The following TMEM175 variants were observed in gnomAD, a reference collection of about 807,000 sequenced individuals.
The protein encoded by TMEM175 is transmembrane protein 175.
A neutral mutation model predicts 36.5 loss-of-function variants in TMEM175; 36 were observed. The observed-to-expected ratio is 0.99, with a 90% CI of 0.76 to 1.30. TMEM175 has a LOEUF of 1.30. Ranked by LOEUF, TMEM175 falls within the 50% of genes most tolerant of loss-of-function variation. TMEM175 has a pLI of 0.00. For missense variants in TMEM175, 705 were observed against 692.8 expected, an observed-to-expected ratio of 1.02 and a Z score of -0.20; for synonymous variants, 339 against 313.4, an observed-to-expected ratio of 1.08 and a Z score of -0.86.
intron 6 of TMEM175, 143 bp downstream of exon 6, chr4:951,860 G>A: frequency 1.2e-6 from 1 of 847,864 alleles, no homozygotes; most frequent in Admixed American, 2.3e-5. Context: ...GGGAGAGCCA[G>A]CTGTTGGGCT....
intron 1 of TMEM175, among the ~76,000 whole-genome samples, chr4:940,317 A>C (rs751324705): frequency 6.6e-6 from 1 of 151,928 alleles, no homozygotes; most frequent in South Asian, 2.1e-4. Flanking sequence ...GCGTGGTGGC[A>C]TGCGCCTGTA....
chr4:948,743 C>T (rs1035860441), intron 3 of TMEM175: 2 of 1,065,362 alleles, frequency 1.9e-6, no homozygotes, highest in Non-Finnish European at 2.4e-6. Flanking sequence ...GCTCTGTGTC[C>T]TCATGACAGG....
At chr4:952,325 C>T in intron 6 of TMEM175, 42 bp from the exon 7 acceptor site, 1 of 1,580,692 alleles carries the variant, frequency 6.3e-7, no homozygotes, top group Non-Finnish European at 8.7e-7. Context: ...GGCCTGGTAA[C>T]CTAGGATTTG....
At chr4:948,869 C>T (rs561364152) in intron 3 of TMEM175, among the ~76,000 whole-genome samples, 4 of 152,278 alleles carry the variant, frequency 2.6e-5, no homozygotes, top group East Asian at 1.9e-4. Context: ...GCCTGGGGGA[C>T]GCCGAGAAGT....
intron 9 of TMEM175, 101 bp downstream of exon 9, chr4:955,584 G>A: frequency 6.9e-7 from 1 of 1,449,288 alleles, no homozygotes; most frequent in Non-Finnish European, 9.5e-7. Flanking sequence ...AGGCCCGTGT[G>A]CGTGGTGGTG....
At chr4:936,678 C>T (rs1350279237) in intron 1 of TMEM175, among the ~76,000 whole-genome samples, 6 of 152,146 alleles carry the variant, frequency 3.9e-5, no homozygotes, top group South Asian at 2.1e-4. Context: ...GTGTTGGGCC[C>T]GGCGCGGTGG....
chr4:956,302 C>T (rs999465365), intron 10 of TMEM175: 5 of 1,283,238 alleles, frequency 3.9e-6, no homozygotes, highest in East Asian at 5.3e-5. Flanking sequence ...CCCAGTGCCC[C>T]CCATCGCTTC....
chr4:948,481 A>G, intron 3 of TMEM175: 1 of 1,442,930 alleles, frequency 6.9e-7, no homozygotes, highest in Non-Finnish European at 9.2e-7. Context: ...GCCTGCCCCA[A>G]GGACAGAAGT....
At chr4:952,777 A>G (rs201566619) in intron 7 of TMEM175, among the ~76,000 whole-genome samples, 2,293 of 113,788 alleles carry the variant, frequency 0.02, 36 homozygotes, top group Middle Eastern at 0.044. Context: ...TGTGTGCTGT[A>G]TGTGTGTGTG....
chr4:939,043 T>A (rs1348455341), intron 1 of TMEM175, among the ~76,000 whole-genome samples: 2 of 152,254 alleles, frequency 1.3e-5, no homozygotes, highest in African/African-American at 4.8e-5. Context: ...GTGCCTGTAG[T>A]CGCAGCAACT....
Position 952,460 on chromosome 4 carries a change from C to T in TMEM175, c.462+10C>T. 6.4e-7 allele frequency: 1 copy of T among 1,557,350 alleles called. No individual in the cohort carries two copies. The highest frequency in any genetic ancestry group is 8.7e-7 in the Non-Finnish European group (1 of 1,154,210). ...CATTGGGGTCGTGCAGGTAGGGGGC[C>T]TGGGGGGCCTGCACTGTGTGTGTGT... On this transcript the variant is annotated intron_variant, in intron 7 of 10. Transcript: ENST00000264771.
rs1726166481 is a variant in TMEM175 at position 932,782 on chromosome 4, G to A, written c.-32+242G>A. Among the ~76,000 whole-genome samples, 1 of 152,246 alleles carries A rather than the reference G, an allele frequency of 6.6e-6. No homozygotes were observed. Among genetic ancestry groups the A allele is most frequent in the Non-Finnish European group, 1.5e-5 (1 of 68,046 alleles). ...AAATACTTGGTTTTCGTCTCATGGAGGTCGGAGTTTCCTGTGACGCTTAGT... is the reference window on the plus strand; with the variant it reads ...AAATACTTGGTTTTCGTCTCATGGAAGTCGGAGTTTCCTGTGACGCTTAGT... On this transcript the variant is annotated intron_variant, in intron 1 of 10. Transcript: ENST00000264771. This position sits in a 1 kb window ranked among gnomAD's most constrained non-coding sequence, Gnocchi z 4.0.
chr4:958,027 T>C lies in TMEM175; in HGVS notation c.1046T>C (p.Leu349Pro). The change falls in exon 11 of 11, where the codon CTG (leucine) becomes CCG (proline). Residue 349 changes from leucine (L) to proline (P), a missense_variant. Leu to Pro is a moderately conservative substitution (Grantham distance 98). Transcript: ENST00000264771. ...RAMGLLNTLS[L>P]AFVGGLPLAY... is the part of the protein sequence containing the mutation. The stretch of plus-strand genomic sequence containing the variant: ...ATGGGGCTGCTGAACACGCTCTCGC[T>C]GGCCTTCGTGGGTGGCCTCCCACTA... 1.9e-6 allele frequency: 3 copies of C among 1,611,708 alleles called. No homozygotes were observed. The highest frequency in any genetic ancestry group is 2.5e-6 in the Non-Finnish European group (3 of 1,179,504).
At chr4:943,930 G>C (rs2152998962) in intron 1 of TMEM175, among the ~76,000 whole-genome samples, 1 of 152,302 alleles carries the variant, frequency 6.6e-6, no homozygotes, top group East Asian at 1.9e-4. Flanking sequence ...CAGCACCACA[G>C]ATGAGTCTCG....
Position 958,307 on chromosome 4 carries a change from G to T in TMEM175, c.1326G>T (p.Arg442Ser), listed in dbSNP as rs1288200328. The stretch of plus-strand genomic sequence containing the variant: ...TCGCCTCCACCTGCCTGCTGAGCAG[G>T]TTCAGTGTGGGCATCTTCCACCTCA... ...LAFASTCLLS[R>S]FSVGIFHLMQ... The change falls in exon 11 of 11, where the codon AGG (arginine) becomes AGT (serine). Residue 442 changes from arginine (R) to serine (S), a missense_variant. Physicochemically the swap from Arg to Ser is moderately radical, Grantham distance 110. Coordinates refer to ENST00000264771, the MANE Select transcript of TMEM175 (RefSeq NM_032326.4). 6 of 1,605,748 alleles carry T rather than the reference G, an allele frequency of 3.7e-6. No homozygotes were observed. Among genetic ancestry groups the T allele is most frequent in the South Asian group, 1.1e-5 (1 of 91,086 alleles).
rs757395705 is a variant in TMEM175 at position 955,771 on chromosome 4, G to T, written c.723G>T (p.Ser241=). The T allele has an allele frequency of 1.5e-5, 25 of 1,613,404 alleles. No individual in the cohort carries two copies. The Admixed American group carries it at 2.3e-4, about 15-fold the overall frequency. ...TGTCCCCAGGCCACAGGGAGCCCTCGGCTCACCCAGTGGAAGTCTTCTCGT... is the reference window on the plus strand; with the variant it reads ...TGTCCCCAGGCCACAGGGAGCCCTCTGCTCACCCAGTGGAAGTCTTCTCGT... ...RDRLLGHREP[S]AHPVEVFSFD... Residue 241 remains serine, a synonymous_variant, in exon 10 of 11, where the codon TCG becomes TCT. Coordinates refer to ENST00000264771, the MANE Select transcript of TMEM175 (RefSeq NM_032326.4).
intron 1 of TMEM175, among the ~76,000 whole-genome samples, chr4:947,502 A>C (rs6815138): frequency 0.41 from 62,437 of 152,010 alleles, 13,026 homozygotes; most frequent in African/African-American, 0.46. Flanking sequence ...CAGGGCCGGG[A>C]GTGGCATCTG....
Position 957,861 on chromosome 4 carries a change from AG to A in TMEM175, c.882del (p.Arg294SerfsTer10). ...NVPDPKDVKERFSGSLVAALS... is the reference protein window; with the variant it reads ...NVPDPKDVKEXFSGSLVAALS... Reference sequence around the variant, plus strand: ...CCCGGACCCCAAGGATGTGAAGGAGAGGTTCAGCGGCAGCCTCGTGGCCGCC... The same window carrying A: ...CCCGGACCCCAAGGATGTGAAGGAGAGTTCAGCGGCAGCCTCGTGGCCGCC... On this transcript the variant is annotated frameshift_variant, in exon 11 of 11. Transcript: ENST00000264771. LOFTEE classifies it low-confidence loss of function (END_TRUNC). The A allele has an allele frequency of 6.2e-7, 1 of 1,612,248 alleles. No homozygotes were observed. Among genetic ancestry groups the A allele is most frequent in the Non-Finnish European group, 8.5e-7 (1 of 1,179,654 alleles).
chr4:957,190 C>T (rs1729788493), intron 10 of TMEM175, among the ~76,000 whole-genome samples: 2 of 152,144 alleles, frequency 1.3e-5, no homozygotes, highest in African/African-American at 4.8e-5. Context: ...CCCTCGCCCT[C>T]TGCGTATTGT....
Sources: gnomAD v4.1 joint callset for allele counts (sites outside exome capture counted in the v4.1 genomes callset) on GRCh38, gnomAD v4.1.1 for gene constraint, Gnocchi (gnomAD v3.1) non-coding constraint, MANE v1.5 for transcripts, NCBI Gene and HGNC (gene_info 2026-07-23, HGNC 2026-07-21) for gene names.